The following DNAH12 variants were observed in gnomAD, a reference collection of about 807,000 sequenced individuals.
DNAH12 encodes dynein axonemal heavy chain 12, also known as axonemal beta dynein heavy chain 12.
DNAH12 carries 285 observed loss-of-function variants against 371.5 expected under a neutral mutation model. The ratio of observed to expected loss-of-function variants is 0.77; its 90% CI spans 0.70 to 0.85. The LOEUF (loss-of-function observed/expected upper bound fraction) is 0.85. Among genes scored for constraint, DNAH12 ranks in the 40% least tolerant of loss-of-function variants. The probability of loss-of-function intolerance (pLI) is 0.00; values close to 1 mark genes in which losing one functional copy is unlikely to be tolerated. For synonymous variants in DNAH12, 1,200 were observed against 1,213.0 expected, an observed-to-expected ratio of 0.99 and a Z score of 0.22; for missense variants, 3,611 against 3,689.4, an observed-to-expected ratio of 0.98 and a Z score of 0.55.
chr3:57,542,799 G>A lies in DNAH12; in HGVS notation c.72C>T (p.Val24=), dbSNP rs777229685. The change falls in exon 2 of 74, where the codon GTC becomes GTT. Residue 24 remains valine, a synonymous_variant. Transcript: ENST00000495027. ...EALNLKLPPI[V]HLPENIGVDT... is the part of the protein sequence containing the mutation. ...CAACGCCTATGTTTTCTGGGAGATGGACAATGGGGGGTAACTTCAAGTTCA... is the reference window on the plus strand; with the variant it reads ...CAACGCCTATGTTTTCTGGGAGATGAACAATGGGGGGTAACTTCAAGTTCA... 6.2e-6 allele frequency: 10 copies of A among 1,609,720 alleles called. No individual in the cohort carries two copies. The South Asian group carries it at 6.7e-5, about 11-fold the overall frequency.
chr3:57,461,783 G>A, intron 18 of DNAH12, 94 bp from the exon 19 acceptor site: 1 of 971,826 alleles, frequency 1.0e-6, no homozygotes, highest in Non-Finnish European at 1.5e-6. Flanking sequence ...AGAATTTGAT[G>A]TATTACATTA....
intron 37 of DNAH12, among the ~76,000 whole-genome samples, chr3:57,418,501 C>CT (rs1343292697): frequency 1.3e-5 from 2 of 149,482 alleles, no homozygotes; most frequent in African/African-American, 4.9e-5. Flanking sequence ...GATCGCACCA[C>CT]TGTAGTCCAG....
intron 4 of DNAH12, chr3:57,512,705 T>G (rs1010036267): frequency 7.2e-5 from 11 of 152,188 alleles, no homozygotes; most frequent in African/African-American, 2.7e-4. Flanking sequence ...AGCAATCCCA[T>G]TACTGGGAAT....
chr3:57,306,547 T>G (rs2061475261), intron 69 of DNAH12, among the ~76,000 whole-genome samples: 1 of 151,956 alleles, frequency 6.6e-6, no homozygotes, highest in Admixed American at 6.6e-5. Flanking sequence ...CTTCACATCC[T>G]CCCCTTGTAT....
intron 2 of DNAH12, among the ~76,000 whole-genome samples, chr3:57,530,140 T>G (rs1418874766): frequency 7.2e-5 from 11 of 152,164 alleles, no homozygotes; most frequent in Non-Finnish European, 1.6e-4. Context: ...TTAAGTTCAA[T>G]TCAAATTTTT....
chr3:57,398,467 G>A (rs1371343005), intron 43 of DNAH12, among the ~76,000 whole-genome samples: 1 of 152,136 alleles, frequency 6.6e-6, no homozygotes, highest in African/African-American at 2.4e-5. Context: ...CAACTAGGAT[G>A]AAGTCATAGA....
chr3:57,546,809 G>C (rs534738215), upstream of DNAH12, among the ~76,000 whole-genome samples: 3 of 152,210 alleles, frequency 2.0e-5, no homozygotes, highest in Admixed American at 6.5e-5. Flanking sequence ...ATTGATCTAA[G>C]AAGATTATCC....
chr3:57,361,465 T>TATATAC (rs2062933642), intron 58 of DNAH12, among the ~76,000 whole-genome samples: 4 of 141,132 alleles, frequency 2.8e-5, no homozygotes, highest in African/African-American at 8.7e-5. Flanking sequence ...TATATATATA[T>TATATAC]ATATATCTCA....
At chr3:57,479,801 A>C (rs1162524526) in intron 13 of DNAH12, among the ~76,000 whole-genome samples, 3 of 152,174 alleles carry the variant, frequency 2.0e-5, no homozygotes, top group Non-Finnish European at 2.9e-5. Flanking sequence ...GGAAACTGAA[A>C]AACCTGCTCC....
intron 43 of DNAH12, among the ~76,000 whole-genome samples, chr3:57,401,799 T>C (rs868930379): frequency 5.9e-5 from 9 of 151,878 alleles, no homozygotes; most frequent in Non-Finnish European, 1.3e-4. Flanking sequence ...ATGAAAATAG[T>C]AGCACACTCT....
At position 57,415,510 on chromosome 3, in the gene DNAH12, A is replaced by G; in HGVS notation, c.5769T>C (p.Asp1923=). ...CCTTTTCCAAGTGATTCATTAGCTT[A>G]TCCTTCACATACACAGATTTTCCTG... The part of the protein sequence containing the change: ...TGTGKSVYVK[D]KLMNHLEKDQ... The change falls in exon 38 of 74, where the codon GAT becomes GAC. Residue 1923 remains aspartate, a synonymous_variant. Transcript: ENST00000495027. 6.4e-7 allele frequency: 1 copy of G among 1,551,094 alleles called. No individual in the cohort carries two copies. Among genetic ancestry groups the G allele is most frequent in the Non-Finnish European group, 8.7e-7 (1 of 1,146,872 alleles).
intron 19 of DNAH12, among the ~76,000 whole-genome samples, chr3:57,460,668 G>GT (rs972370811): frequency 5.2e-4 from 79 of 152,246 alleles, no homozygotes; most frequent in African/African-American, 1.7e-3. Context: ...ACATTACTCT[G>GT]TTTTCTCCGA....
intron 38 of DNAH12, 49 bp downstream of exon 38, chr3:57,415,377 T>TA: frequency 6.5e-7 from 1 of 1,534,430 alleles, no homozygotes; most frequent in Non-Finnish European, 8.8e-7. Flanking sequence ...ACTGAGCAAA[T>TA]AAGACAAAAA....
At chr3:57,395,298 G>A (rs1001726336) in intron 43 of DNAH12, among the ~76,000 whole-genome samples, 3 of 152,090 alleles carry the variant, frequency 2.0e-5, no homozygotes, top group South Asian at 2.1e-4. Context: ...TCTCACCCCC[G>A]GTCCTGGAAA....
intron 29 of DNAH12, among the ~76,000 whole-genome samples, chr3:57,441,400 G>A (rs1054733371): frequency 1.3e-5 from 2 of 152,052 alleles, no homozygotes; most frequent in Non-Finnish European, 2.9e-5. Flanking sequence ...GAAAAAAAGA[G>A]GCATGAGAGA....
chr3:57,368,597 A>G (rs2063101476), intron 55 of DNAH12, among the ~76,000 whole-genome samples: 2 of 152,176 alleles, frequency 1.3e-5, no homozygotes, highest in African/African-American at 4.8e-5. Flanking sequence ...TAACTTTAAT[A>G]CACGACATCT....
intron 16 of DNAH12, among the ~76,000 whole-genome samples, chr3:57,469,206 G>C (rs1209432338): frequency 1.3e-5 from 2 of 152,086 alleles, no homozygotes; most frequent in African/African-American, 4.8e-5. Flanking sequence ...ATTATAAATG[G>C]ATGATTAACA....
intron 43 of DNAH12, 119 bp from the exon 44 acceptor site, chr3:57,394,451 A>C (rs1361146252): frequency 6.6e-6 from 1 of 152,034 alleles, no homozygotes; most frequent in Non-Finnish European, 1.5e-5. Flanking sequence ...ACCTCTCCCC[A>C]CTTCTACTGG....
At chr3:57,455,425 C>G (rs2065877077) in intron 22 of DNAH12, among the ~76,000 whole-genome samples, 2 of 151,452 alleles carry the variant, frequency 1.3e-5, no homozygotes, top group South Asian at 4.2e-4. Flanking sequence ...AAAAAAATAG[C>G]TGGGCATGGT....
Sources: gnomAD v4.1 joint callset for allele counts (sites outside exome capture counted in the v4.1 genomes callset) on GRCh38, gnomAD v4.1.1 for gene constraint, MANE v1.5 for transcripts, NCBI Gene and HGNC (gene_info 2026-07-23, HGNC 2026-07-21) for gene names.